The following SDK2 variants were observed in gnomAD, a reference collection of about 807,000 sequenced individuals.
The protein encoded by SDK2 is protein sidekick-2.
A neutral mutation model predicts 253.9 loss-of-function variants in SDK2; 105 were observed. The ratio of observed to expected loss-of-function variants is 0.41; its 90% CI spans 0.35 to 0.49. The LOEUF (loss-of-function observed/expected upper bound fraction) is 0.49, where lower values mean the gene tolerates loss of function less well. SDK2 is among the 20% of genes least tolerant of loss of function. SDK2 has a pLI of 0.06. For synonymous variants in SDK2, 1,249 were observed against 1,234.9 expected (o/e 1.01, Z -0.24); for missense variants, 2,608 against 3,003.0 (o/e 0.87, Z 3.07).
intron 36 of SDK2, among the ~76,000 whole-genome samples, chr17:73,375,401 G>A (rs567293078): frequency 3.3e-5 from 5 of 151,502 alleles, no homozygotes; most frequent in East Asian, 3.9e-4. Flanking sequence ...CACCACACCC[G>A]GCTAATTTTG....
intron 43 of SDK2, among the ~76,000 whole-genome samples, 197 bp downstream of exon 43, chr17:73,350,040 G>A (rs1015220008): frequency 1.3e-5 from 2 of 152,194 alleles, no homozygotes; most frequent in Admixed American, 1.3e-4. Context: ...GGGCATGGTG[G>A]GGACTGGGAC....
chr17:73,617,224 G>C (rs2940358), intron 1 of SDK2, among the ~76,000 whole-genome samples: 49,043 of 137,974 alleles, frequency 0.36, 9,183 homozygotes, highest in African/African-American at 0.45. Flanking sequence ...AGGGGAGAGG[G>C]CTCCCGCAGA....
In SDK2 at chr17:73,336,146, C is replaced by G. The variant is rs2062375831; in HGVS notation, c.*2441G>C. 6.8e-6 allele frequency: 1 copy of G among 146,600 alleles called. No homozygotes were observed. Among genetic ancestry groups the G allele is most frequent in the Non-Finnish European group, 1.5e-5 (1 of 67,292 alleles). 9.1% of individuals were successfully genotyped at this position (146,600 alleles called of 1,614,324 possible). A position where few individuals can be genotyped will look rare whatever the true frequency, so the allele number is the denominator to read the frequency against. ...GGGAACTTCCTTAAATGGTTAAATG[C>G]TCAGCAGAGAGGGAAAGGGATGAAG... On this transcript the variant is annotated 3_prime_UTR_variant, in exon 45 of 45. Coordinates refer to ENST00000392650, the MANE Select transcript of SDK2 (RefSeq NM_001144952.2).
At chr17:73,432,914 C>T (rs927739348) in intron 10 of SDK2, among the ~76,000 whole-genome samples, 1 of 151,796 alleles carries the variant, frequency 6.6e-6, no homozygotes, top group Non-Finnish European at 1.5e-5. Context: ...GGTGAGTGTG[C>T]ACACACAGAG....
chr17:73,501,713 G>C (rs1194145126), intron 2 of SDK2, among the ~76,000 whole-genome samples: 1 of 152,204 alleles, frequency 6.6e-6, no homozygotes, highest in African/African-American at 2.4e-5. Flanking sequence ...TTTCTAGGGG[G>C]TTTGTTATCA....
intron 40 of SDK2, among the ~76,000 whole-genome samples, chr17:73,354,652 C>T (rs1158905580): frequency 6.6e-6 from 1 of 152,172 alleles, no homozygotes; most frequent in Non-Finnish European, 1.5e-5. Flanking sequence ...CTCTGTCTGG[C>T]CTGCTCCAGG....
At chr17:73,576,233 C>T (rs574816937) in intron 1 of SDK2, among the ~76,000 whole-genome samples, 1 of 152,118 alleles carries the variant, frequency 6.6e-6, no homozygotes, top group East Asian at 1.9e-4. Context: ...GGGAACGTCC[C>T]AAGGATGAGA....
At chr17:73,349,800 C>T (rs921872591) in intron 43 of SDK2, among the ~76,000 whole-genome samples, 2 of 152,150 alleles carry the variant, frequency 1.3e-5, no homozygotes, top group Non-Finnish European at 2.9e-5. Flanking sequence ...GGTGCTCAGG[C>T]GTCCTTCGCT....
intron 44 of SDK2, among the ~76,000 whole-genome samples, chr17:73,346,355 T>C (rs528502550): frequency 3.3e-5 from 5 of 152,320 alleles, no homozygotes; most frequent in African/African-American, 1.2e-4. Context: ...GTGTGTGCCA[T>C]TGGCTCGGAA....
At chr17:73,573,014 G>A (rs2045409833) in intron 1 of SDK2, among the ~76,000 whole-genome samples, 1 of 152,204 alleles carries the variant, frequency 6.6e-6, no homozygotes, top group Admixed American at 6.5e-5. Flanking sequence ...GTCCAGTGCA[G>A]GTGTGCCACA....
In SDK2 at chr17:73,379,695, G is replaced by A; in HGVS notation, c.4763-146C>T. The A allele has an allele frequency of 1.6e-6, 1 of 609,442 alleles. No individual in the cohort carries two copies. Among genetic ancestry groups the A allele is most frequent in the Non-Finnish European group, 2.9e-6 (1 of 344,254 alleles). The allele number at this position is 609,442 out of a possible 1,614,324, so 37.8% of individuals were successfully genotyped here. A position where few individuals can be genotyped will look rare whatever the true frequency, so the allele number is the denominator to read the frequency against. ...CTCTGTGAAGGTGCATGAAGGAGGA[G>A]GTGAGAGGCGGGGCCCCCAGGGGAC... is the stretch of plus-strand genomic sequence containing the variant. On this transcript the variant is annotated intron_variant, in intron 34 of 44. Transcript: ENST00000392650. The surrounding 1 kb of genome is among the most constrained non-coding windows in gnomAD (Gnocchi z 4.5).
chr17:73,454,527 C>G (rs79003307), intron 4 of SDK2, among the ~76,000 whole-genome samples: 1 of 152,170 alleles, frequency 6.6e-6, no homozygotes, highest in African/African-American at 2.4e-5. Flanking sequence ...CATTCAACAA[C>G]GCCTCCTTTC....
chr17:73,553,973 G>T (rs759348565), intron 1 of SDK2, among the ~76,000 whole-genome samples: 41 of 152,304 alleles, frequency 2.7e-4, no homozygotes, highest in Middle Eastern at 6.8e-3. Context: ...GGAGAGGACA[G>T]GAGCATGGAG....
chr17:73,627,674 G>T (rs552198801), intron 1 of SDK2, among the ~76,000 whole-genome samples: 1 of 152,368 alleles, frequency 6.6e-6, no homozygotes, highest in East Asian at 1.9e-4. Context: ...TAATTCCATT[G>T]CTGGGTCAGC....
At chr17:73,356,383 G>GC (rs1442981944) in intron 40 of SDK2, among the ~76,000 whole-genome samples, 2 of 152,230 alleles carry the variant, frequency 1.3e-5, no homozygotes, top group Admixed American at 1.3e-4. Context: ...CTAGCCGCCA[G>GC]CCCCGGGAGT....
rs2045994546 is a variant in SDK2 at position 73,612,844 on chromosome 17, G to A, written c.64+31181C>T. Among the ~76,000 whole-genome samples, 1 of 152,166 alleles carries A rather than the reference G, an allele frequency of 6.6e-6. No individual in the cohort carries two copies. The stretch of plus-strand genomic sequence containing the variant: ...AGGCAGGACAATCTCTTGAACCCAG[G>A]AGGCAGAAGTTGCAGTGAGCCAAGA... On this transcript the variant is annotated intron_variant, in intron 1 of 44. Transcript: ENST00000392650. This position sits in a 1 kb window ranked among gnomAD's most constrained non-coding sequence, Gnocchi z 4.4.
intron 3 of SDK2, among the ~76,000 whole-genome samples, chr17:73,464,439 T>C (rs954887165): frequency 2.6e-5 from 4 of 152,158 alleles, no homozygotes; most frequent in Non-Finnish European, 2.9e-5. Context: ...GAACTGTGAG[T>C]CAATTAAACC....
chr17:73,545,863 G>A (rs569276729), intron 1 of SDK2, among the ~76,000 whole-genome samples: 3 of 152,270 alleles, frequency 2.0e-5, no homozygotes, highest in Non-Finnish European at 2.9e-5. Flanking sequence ...TCTCTGAGGC[G>A]GCTGGGGTCA....
chr17:73,559,800 C>A (rs1053646352), intron 1 of SDK2, among the ~76,000 whole-genome samples: 1 of 152,172 alleles, frequency 6.6e-6, no homozygotes, highest in African/African-American at 2.4e-5. Context: ...AATCATAATG[C>A]CACAAAAACC....
Sources: allele counts gnomAD v4.1 joint callset (sites outside exome capture counted in the v4.1 genomes callset), GRCh38; gene constraint gnomAD v4.1.1; non-coding constraint Gnocchi (gnomAD v3.1); transcripts MANE v1.5; gene names NCBI Gene and HGNC (gene_info 2026-07-23, HGNC 2026-07-21).